The following VIM variants were observed in gnomAD, a reference collection of about 807,000 sequenced individuals.
The protein encoded by VIM is vimentin, also known as epididymis secretory sperm binding protein.
In VIM, 18 loss-of-function variants were observed where a neutral mutation model predicts 50.3. The ratio of observed to expected loss-of-function variants is 0.36; its 90% confidence interval spans 0.25 to 0.53. The LOEUF is 0.53. VIM is among the 20% of genes least tolerant of loss of function. The pLI, the probability that VIM is intolerant of heterozygous loss-of-function variation, is 0.91. For missense variants in VIM, 551 were observed against 614.7 expected (o/e 0.90, Z 1.10); for synonymous variants, 245 against 248.5 (o/e 0.99, Z 0.13).
chr10:17,233,338 T>C (rs781108117), intron 3 of VIM: 4 of 487,220 alleles, frequency 8.2e-6, no homozygotes, highest in Non-Finnish European at 1.5e-5. Context: ...TTATTTATTT[T>C]AAAATTGTCT....
chr10:17,234,035 C>G (rs1846844398), intron 5 of VIM, 104 bp downstream of exon 5: 1 of 1,477,810 alleles, frequency 6.8e-7, no homozygotes, highest in Non-Finnish European at 9.2e-7. Flanking sequence ...CAATGCAAAG[C>G]TGGCTTTGAC....
rs1265772352 is a variant in VIM, at chr10:17,237,299, T to A, written c.*28T>A. On this transcript the variant is annotated 3_prime_UTR_variant, in exon 10 of 10. Coordinates refer to ENST00000544301, the MANE Select transcript of VIM (RefSeq NM_003380.5). ...ATTGCACACACTCAGTGCAGCAATA[T>A]ATTACCAGCAAGAATAAAAAAGAAA... 1 of 1,598,060 alleles carries A rather than the reference T, an allele frequency of 6.3e-7. No homozygotes were observed. The highest frequency in any genetic ancestry group is 1.7e-5 in the Admixed American group (1 of 59,012).
chr10:17,235,985 TGC>T, intron 8 of VIM, 96 bp downstream of exon 8: 1 of 1,341,498 alleles, frequency 7.5e-7, no homozygotes, highest in Non-Finnish European at 1.1e-6. Context: ...TCTGAAAAAA[TGC>T]CATATAAGAG....
At chr10:17,234,221 T>A in intron 5 of VIM, 1 of 384,858 alleles carries the variant, frequency 2.6e-6, no homozygotes. Flanking sequence ...GTTCAAGTGA[T>A]TCTCCTGCCT....
At chr10:17,231,038 G>C (rs1219361381) in intron 3 of VIM, 1 of 246,242 alleles carries the variant, frequency 4.1e-6, no homozygotes, top group African/African-American at 2.3e-5. Context: ...AGTTCCTTGG[G>C]ACATAAAGAA....
At position 17,235,894 on chromosome 10, in the gene VIM, GC is replaced by G. The variant is rs1380302592; in HGVS notation, c.1273+6del. ...TTTCCTCCCTGAACCTGAGGGGTAA[GC>G]ATTTTATTTCCCTTTAGGAAAAACG... On this transcript the variant is annotated splice_donor_region_variant and intron_variant, in intron 8 of 9. Transcript: ENST00000544301. 1.2e-6 allele frequency: 2 copies of G among 1,612,884 alleles called. No homozygotes were observed. The highest frequency in any genetic ancestry group is 8.5e-7 in the Non-Finnish European group (1 of 1,179,036).
At chr10:17,230,051 C>A (rs1846757936) in intron 2 of VIM, 66 bp downstream of exon 2, 2 of 1,513,162 alleles carry the variant, frequency 1.3e-6, no homozygotes, top group Admixed American at 2.1e-5. Flanking sequence ...GGAACGCCCC[C>A]CCGGCCCCCG....
At chr10:17,230,876 G>A (rs927634292) in intron 3 of VIM, 166 bp downstream of exon 3, 10 of 667,916 alleles carry the variant, frequency 1.5e-5, no homozygotes, top group Non-Finnish European at 2.0e-5. Flanking sequence ...CTCATGATTA[G>A]AAAAATATTA....
chr10:17,230,764 A>T (rs1846777296), intron 3 of VIM, 54 bp downstream of exon 3: 6 of 1,605,070 alleles, frequency 3.7e-6, no homozygotes, highest in Non-Finnish European at 4.3e-6. Context: ...AACACAACCC[A>T]CGAGCAATTC....
At position 17,229,328 on chromosome 10, in the gene VIM, C is replaced by A; in HGVS notation, c.-95C>A. 7.5e-7 allele frequency: 1 copy of A among 1,334,526 alleles called. No homozygotes were observed. Among genetic ancestry groups the A allele is most frequent in the Non-Finnish European group, 1.0e-6 (1 of 969,084 alleles). The allele number at this position is 1,334,526 out of a possible 1,614,324, so 82.7% of individuals were successfully genotyped here. ...CCGCGCCAGAGACGCAGCCGCGCTC[C>A]CACCACCCACACCCACCGCGCCCTC... On this transcript the variant is annotated 5_prime_UTR_variant, in exon 2 of 10. Transcript: ENST00000544301.
intron 5 of VIM, 84 bp from the exon 6 acceptor site, chr10:17,234,609 C>T: frequency 6.3e-7 from 1 of 1,587,350 alleles, no homozygotes; most frequent in Non-Finnish European, 8.6e-7. Flanking sequence ...GGAAGACATT[C>T]AGTGAGAAAT....
rs557284953 is a variant in VIM at position 17,230,564 on chromosome 10, C to T, written c.564-86C>T. On this transcript the variant is annotated intron_variant, in intron 2 of 9. Coordinates refer to ENST00000544301, the MANE Select transcript of VIM (RefSeq NM_003380.5). The stretch of plus-strand genomic sequence containing the variant: ...AGGTGGCGCAGCTGCTCTGGAGGCG[C>T]AGAGCGAATACGTGGTGTTTGGGTG... 198 of 1,458,028 alleles carry T rather than the reference C, an allele frequency of 1.4e-4. 2 individuals carry two copies. The South Asian group carries it at 2.1e-3, about 16-fold the overall frequency. 90.3% of individuals were successfully genotyped at this position (1,458,028 alleles called of 1,614,324 possible). A position where few individuals can be genotyped will look rare whatever the true frequency, so the allele number is the denominator to read the frequency against.
chr10:17,237,183 C>A (rs1846905398), intron 9 of VIM, 47 bp from the exon 10 acceptor site: 6 of 1,506,592 alleles, frequency 4.0e-6, no homozygotes, highest in Non-Finnish European at 5.5e-6. Flanking sequence ...ATAATTTAGT[C>A]TTTGGCATGT....
chr10:17,228,400 A>C lies in VIM; in HGVS notation c.-272A>C, dbSNP rs1278494509. 2 of 148,690 alleles carry C rather than the reference A, an allele frequency of 1.3e-5. No individual in the cohort carries two copies. The highest frequency in any genetic ancestry group is 2.9e-5 in the Non-Finnish European group (2 of 68,042). 9.2% of individuals were successfully genotyped at this position (148,690 alleles called of 1,614,324 possible). A position where few individuals can be genotyped will look rare whatever the true frequency, so the allele number is the denominator to read the frequency against. On this transcript the variant is annotated 5_prime_UTR_variant, in exon 1 of 10. Coordinates refer to ENST00000544301, the MANE Select transcript of VIM (RefSeq NM_003380.5). ...ACCGCACACAGCAAGGCGATGGCCC[A>C]GCTGTAAGTTGGTAGCACTGAGAAC...
At chr10:17,230,022 A>G in intron 2 of VIM, 37 bp downstream of exon 2, 1 of 1,569,274 alleles carries the variant, frequency 6.4e-7, no homozygotes. Context: ...GGGCCTCGGG[A>G]GGGGGCTGGA....
intron 7 of VIM, 186 bp from the exon 8 acceptor site, chr10:17,235,660 G>T (rs1846874819): frequency 2.8e-6 from 2 of 717,776 alleles, no homozygotes; most frequent in African/African-American, 1.8e-5. Context: ...GAAAATGCTT[G>T]TAGTAACATA....
In VIM at chr10:17,235,535, A is replaced by G. The variant is rs558292439; in HGVS notation, c.1229+146A>G. 157 of 909,518 alleles carry G rather than the reference A, an allele frequency of 1.7e-4. 1 individual carries two copies. In the East Asian group the frequency reaches 4.0e-3, roughly 23 times the overall value. The allele number at this position is 909,518 out of a possible 1,614,324, so 56.3% of individuals were successfully genotyped here. Reference sequence around the variant, plus strand: ...CACTTTTTGTAGAGGAGGAATTTGAATTGAGAGAGAGTAAGTGACTTGCTG... The same window carrying G: ...CACTTTTTGTAGAGGAGGAATTTGAGTTGAGAGAGAGTAAGTGACTTGCTG... On this transcript the variant is annotated intron_variant, in intron 7 of 9. Transcript: ENST00000544301.
chr10:17,229,368 C>T lies in VIM; in HGVS notation c.-55C>T. ...ACCGCGCCCTCGTTCGCCTCTTCTC[C>T]GGGAGCCAGTCCGCGCCACCGCCGC... On this transcript the variant is annotated 5_prime_UTR_variant, in exon 2 of 10. Coordinates refer to ENST00000544301, the MANE Select transcript of VIM (RefSeq NM_003380.5). 2 of 1,540,024 alleles carry T rather than the reference C, an allele frequency of 1.3e-6. No homozygotes were observed. The highest frequency in any genetic ancestry group is 1.7e-6 in the Non-Finnish European group (2 of 1,146,236).
chr10:17,233,134 G>A (rs1215161778), intron 3 of VIM: 1 of 218,384 alleles, frequency 4.6e-6, no homozygotes, highest in East Asian at 1.2e-4. Flanking sequence ...TTTTGGTAGA[G>A]ACGGGGTTTC....
Sources: allele counts gnomAD v4.1 joint callset, GRCh38; gene constraint gnomAD v4.1.1; transcripts MANE v1.5; gene names NCBI Gene and HGNC (gene_info 2026-07-23, HGNC 2026-07-21).